Variants in MAPK10 observed in about 807,000 individuals in gnomAD.
MAPK10 encodes the protein JNK3 alpha protein kinase.
MAPK10 carries 25 observed loss-of-function variants against 59.3 expected under a neutral mutation model. That is an observed-to-expected ratio of 0.42 (90% CI 0.31 to 0.59). The LOEUF is 0.59. MAPK10 is among the 20% of genes least tolerant of loss of function. The probability of loss-of-function intolerance (pLI) is 0.15; values close to 1 mark genes in which losing one functional copy is unlikely to be tolerated. For synonymous variants in MAPK10, 190 were observed against 200.5 expected, an observed-to-expected ratio of 0.95 and a Z score of 0.44; for missense variants, 351 against 568.9, an observed-to-expected ratio of 0.62 and a Z score of 3.90.
At chr4:86,119,152 T>G (rs1337076692) in intron 4 of MAPK10, among the ~76,000 whole-genome samples, 3 of 152,206 alleles carry the variant, frequency 2.0e-5, no homozygotes, top group African/African-American at 7.2e-5. Flanking sequence ...GAATTCTGAA[T>G]AATAATAACT....
Position 86,343,298 on chromosome 4 carries a change from G to A in MAPK10, c.-7+11232C>T, listed in dbSNP as rs151322877. 3.6e-3 allele frequency among the ~76,000 whole-genome samples: 543 copies of A among 152,192 alleles called. 6 individuals are homozygous for A. Among genetic ancestry groups the A allele is most frequent in the Admixed American group, 0.024 (368 of 15,274 alleles). ...ACCACATTCTACCTAGGACTACAGG[G>A]ACTTATGAAAGTACATCCCTCTTGT... On this transcript the variant is annotated intron_variant, in intron 2 of 13. Transcript: ENST00000641462.
chr4:86,078,473 T>C (rs1156606495), intron 9 of MAPK10, among the ~76,000 whole-genome samples: 1 of 152,086 alleles, frequency 6.6e-6, no homozygotes, highest in Non-Finnish European at 1.5e-5. Flanking sequence ...GAACTGAAAT[T>C]GTATGCTGCT....
At chr4:86,107,017 C>T in intron 5 of MAPK10, 1 of 351,386 alleles carries the variant, frequency 2.8e-6, no homozygotes, top group Non-Finnish European at 5.1e-6. Flanking sequence ...TCATCACTTC[C>T]ACATCATATG....
At chr4:86,121,555 TTTTG>T (rs144094522) in intron 4 of MAPK10, among the ~76,000 whole-genome samples, 113 of 152,294 alleles carry the variant, frequency 7.4e-4, no homozygotes, top group Middle Eastern at 6.8e-3. Context: ...TCTAAATTAA[TTTTG>T]TTTATTTTCA....
intron 1 of MAPK10, among the ~76,000 whole-genome samples, chr4:86,560,199 T>G (rs1760567947): frequency 6.6e-6 from 1 of 152,184 alleles, no homozygotes; most frequent in Non-Finnish European, 1.5e-5. Context: ...AAACGCACTT[T>G]AACGAAAATG....
intron 1 of MAPK10, among the ~76,000 whole-genome samples, chr4:86,501,547 G>A (rs1321439973): frequency 1.3e-5 from 2 of 151,968 alleles, no homozygotes; most frequent in African/African-American, 4.8e-5. Context: ...CTGGTAAGGA[G>A]GGTTCGCTTT....
intron 1 of MAPK10, among the ~76,000 whole-genome samples, chr4:86,384,704 C>A (rs775169064): frequency 6.6e-6 from 1 of 152,056 alleles, no homozygotes; most frequent in Non-Finnish European, 1.5e-5. Context: ...AATGTGGAGA[C>A]GACAGATTTG....
At chr4:86,330,834 G>A (rs1027137693) in intron 2 of MAPK10, among the ~76,000 whole-genome samples, 3 of 152,128 alleles carry the variant, frequency 2.0e-5, no homozygotes, top group African/African-American at 4.8e-5. Flanking sequence ...TAGTCATAAT[G>A]GGGAATTCGT....
At chr4:86,191,321 ATCTG>A (rs1276803155) in intron 3 of MAPK10, among the ~76,000 whole-genome samples, 2 of 152,054 alleles carry the variant, frequency 1.3e-5, no homozygotes, top group Admixed American at 6.6e-5. Flanking sequence ...TGCCTCGTTG[ATCTG>A]TCTAATATTG....
chr4:86,187,543 T>C (rs1237326923), intron 3 of MAPK10, among the ~76,000 whole-genome samples: 1 of 152,098 alleles, frequency 6.6e-6, no homozygotes, highest in African/African-American at 2.4e-5. Context: ...ACTGAAACTG[T>C]GGAAACCGAA....
chr4:86,175,361 G>A (rs1006147839), intron 3 of MAPK10, among the ~76,000 whole-genome samples: 5 of 152,048 alleles, frequency 3.3e-5, no homozygotes, highest in Non-Finnish European at 7.4e-5. Flanking sequence ...AACAAAGAAC[G>A]TTATTCTTAA....
Position 86,314,045 on chromosome 4 carries a change from C to G in MAPK10, c.-7+40485G>C, listed in dbSNP as rs149346084. Reference sequence around the variant, plus strand: ...GCCACAAAAAAACAGCATGGATGGACTTTACAGACATAATGCTGAGTGAAA... The same window carrying G: ...GCCACAAAAAAACAGCATGGATGGAGTTTACAGACATAATGCTGAGTGAAA... On this transcript the variant is annotated intron_variant, in intron 2 of 13. Transcript: ENST00000641462. Among the ~76,000 whole-genome samples the G allele has an allele frequency of 4.9e-4, 75 of 152,222 alleles. 1 individual carries two copies. The highest frequency in any genetic ancestry group is 9.0e-4 in the Non-Finnish European group (61 of 67,988).
chr4:86,269,554 C>A (rs1583803370), intron 2 of MAPK10, among the ~76,000 whole-genome samples: 1 of 152,202 alleles, frequency 6.6e-6, no homozygotes, highest in East Asian at 1.9e-4. Context: ...CAAGGCCCTG[C>A]ATCTTTACAC....
chr4:86,524,144 G>T (rs557992488), intron 1 of MAPK10, among the ~76,000 whole-genome samples: 2 of 152,260 alleles, frequency 1.3e-5, no homozygotes, highest in South Asian at 2.1e-4. Flanking sequence ...CCATGAAGTA[G>T]AAGGAGACTG....
intron 4 of MAPK10, among the ~76,000 whole-genome samples, chr4:86,118,579 TACACAC>T (rs148000432): frequency 0.032 from 4,636 of 145,510 alleles, 116 homozygotes; most frequent in East Asian, 0.084. Context: ...TAAATACACA[TACACAC>T]ACACACACAC....
At chr4:86,283,951 T>C (rs2094911935) in intron 2 of MAPK10, among the ~76,000 whole-genome samples, 1 of 152,198 alleles carries the variant, frequency 6.6e-6, no homozygotes. Context: ...GAGAATGTTC[T>C]TGAAGTTTTA....
At chr4:86,380,560 C>T (rs1485044264) in intron 1 of MAPK10, among the ~76,000 whole-genome samples, 1 of 152,136 alleles carries the variant, frequency 6.6e-6, no homozygotes, top group Non-Finnish European at 1.5e-5. Flanking sequence ...AATCACCAAC[C>T]TTTAGGGCAT....
At chr4:86,186,511 A>G (rs2149296444) in intron 3 of MAPK10, among the ~76,000 whole-genome samples, 1 of 152,292 alleles carries the variant, frequency 6.6e-6, no homozygotes, top group Middle Eastern at 3.4e-3. Flanking sequence ...ATGCTTTTCT[A>G]TATTTTCTAT....
At chr4:86,149,272 A>T (rs1000325665) in intron 4 of MAPK10, among the ~76,000 whole-genome samples, 6 of 151,646 alleles carry the variant, frequency 4.0e-5, no homozygotes, top group African/African-American at 1.5e-4. Context: ...TTGTTTATTT[A>T]TTTATTTATT....
Sources: allele counts gnomAD v4.1 joint callset (sites outside exome capture counted in the v4.1 genomes callset), GRCh38; gene constraint gnomAD v4.1.1; transcripts MANE v1.5; gene names NCBI Gene and HGNC (gene_info 2026-07-23, HGNC 2026-07-21).